Variants in TIAM2 observed in about 807,000 individuals in gnomAD.
TIAM2 encodes the protein rho guanine nucleotide exchange factor TIAM2.
Under a neutral mutation model 152.9 loss-of-function variants are expected in TIAM2, and 80 were observed. The observed-to-expected ratio is 0.52, with a 90% CI of 0.44 to 0.63. The LOEUF is 0.63. TIAM2 is among the 30% of genes least tolerant of loss of function. TIAM2 has a pLI of 0.00. For missense variants in TIAM2, 1,965 were observed against 2,120.1 expected, an observed-to-expected ratio of 0.93 and a Z score of 1.44; for synonymous variants, 804 against 838.0, an observed-to-expected ratio of 0.96 and a Z score of 0.70.
At chr6:155,145,392 G>A (rs936385076) in intron 6 of TIAM2, among the ~76,000 whole-genome samples, 1 of 152,106 alleles carries the variant, frequency 6.6e-6, no homozygotes, top group Non-Finnish European at 1.5e-5. Context: ...CTTTGTTAGC[G>A]TTGAGTTTGT....
chr6:155,196,101 C>T (rs139639214), intron 14 of TIAM2, among the ~76,000 whole-genome samples: 127 of 152,218 alleles, frequency 8.3e-4, no homozygotes, highest in African/African-American at 2.8e-3. Flanking sequence ...GCAACAGAGG[C>T]TTTGCCGTCA....
intron 18 of TIAM2, 120 bp downstream of exon 18, chr6:155,244,903 C>T (rs1783231649): frequency 7.9e-7 from 1 of 1,262,554 alleles, no homozygotes; most frequent in Middle Eastern, 2.7e-4. Context: ...ATTTATTGTC[C>T]TGTGACTATT....
intron 14 of TIAM2, among the ~76,000 whole-genome samples, chr6:155,196,245 G>T (rs1781344402): frequency 6.6e-6 from 1 of 152,190 alleles, no homozygotes; most frequent in South Asian, 2.1e-4. Context: ...CATCCAGAAA[G>T]TTGGAGTTTC....
intron 9 of TIAM2, among the ~76,000 whole-genome samples, chr6:155,171,005 A>G (rs771289784): frequency 6.6e-6 from 1 of 152,214 alleles, no homozygotes; most frequent in Non-Finnish European, 1.5e-5. Flanking sequence ...TGAGCTGGCT[A>G]AATAATTAAT....
intron 2 of TIAM2, among the ~76,000 whole-genome samples, chr6:155,111,137 G>A (rs1778837079): frequency 6.6e-6 from 1 of 152,026 alleles, no homozygotes; most frequent in Admixed American, 6.5e-5. Flanking sequence ...GCTCTTTTTC[G>A]AGTTACCCTT....
chr6:155,199,330 G>A lies in TIAM2; in HGVS notation c.3065-11874G>A, dbSNP rs145528212. Among the ~76,000 whole-genome samples, 814 of 152,146 alleles carry A rather than the reference G, an allele frequency of 5.4e-3. 9 individuals carry two copies. Among genetic ancestry groups the A allele is most frequent in the Non-Finnish European group, 4.1e-3 (278 of 67,998 alleles). ...TGACCTCAGGTGATCTGCCTACCTC[G>A]GCCTCCCAAAGTGCTGGGATTACAG... On this transcript the variant is annotated intron_variant, in intron 14 of 26. Coordinates refer to ENST00000682666, the MANE Select transcript of TIAM2 (RefSeq NM_012454.4).
chr6:155,250,367 G>T (rs1239055091), intron 21 of TIAM2, among the ~76,000 whole-genome samples: 1 of 147,126 alleles, frequency 6.8e-6, no homozygotes, highest in East Asian at 2.1e-4. Flanking sequence ...AGCAGGATTT[G>T]ACATTTTCTG....
Position 155,060,003 on chromosome 6 carries a change from C to T in TIAM2, c.-208-30286C>T, listed in dbSNP as rs1777539353. 2.0e-5 allele frequency among the ~76,000 whole-genome samples: 3 copies of T among 152,134 alleles called. No homozygotes were observed. The South Asian group carries it at 6.2e-4, about 32-fold the overall frequency. ...ACTGCATTGTAAATATCTTGTTTCT[C>T]CTTAAAGTTTCACCCGCTGCCTACT... On this transcript the variant is annotated intron_variant, in intron 1 of 26. Coordinates refer to ENST00000682666, the MANE Select transcript of TIAM2 (RefSeq NM_012454.4).
At chr6:155,166,688 G>A (rs756513463) in intron 9 of TIAM2, among the ~76,000 whole-genome samples, 8 of 152,168 alleles carry the variant, frequency 5.3e-5, no homozygotes, top group Non-Finnish European at 1.0e-4. Context: ...CCCAAGTATC[G>A]TAAATTGTTT....
Position 155,251,986 on chromosome 6 carries a change from A to G in TIAM2, c.4102A>G (p.Lys1368Glu). 8 of 1,605,024 alleles carry G rather than the reference A, an allele frequency of 5.0e-6. No homozygotes were observed. Among genetic ancestry groups the G allele is most frequent in the Non-Finnish European group, 6.8e-6 (8 of 1,176,810 alleles). Residue 1368 changes from lysine to glutamate, a missense_variant, in exon 23 of 27, where the codon AAA (lysine) becomes GAA (glutamate). By Grantham distance (56) the Lys-to-Glu change is moderately conservative. Around this residue, in one of 3 missense-constraint regions of TIAM2, gnomAD observed 935 missense variants for 980.0 expected, o/e 0.95. Coordinates refer to ENST00000682666, the MANE Select transcript of TIAM2 (RefSeq NM_012454.4). ...AVILVYKENCKLKKKLPSNSR... is the reference protein window; with the variant it reads ...AVILVYKENCELKKKLPSNSR... ...CATACTGGTTTATAAAGAAAACTGC[A>G]AACTGAAAAAGAAATTGGTAAGGCA...
chr6:155,254,247 A>C, intron 25 of TIAM2, 172 bp from the exon 26 acceptor site: 1 of 1,022,876 alleles, frequency 9.8e-7, no homozygotes, highest in East Asian at 2.6e-5. Context: ...AAATCTTAAG[A>C]GTGATCAATT....
intron 14 of TIAM2, among the ~76,000 whole-genome samples, chr6:155,200,576 A>G (rs554440625): frequency 9.0e-4 from 137 of 152,224 alleles, no homozygotes; most frequent in African/African-American, 3.2e-3. Context: ...CAATATTTTT[A>G]TTCCCTCAAA....
chr6:155,039,989 G>A (rs2114904833), intron 1 of TIAM2, among the ~76,000 whole-genome samples: 1 of 152,236 alleles, frequency 6.6e-6, no homozygotes, highest in Non-Finnish European at 1.5e-5. Context: ...CTTCAATTTG[G>A]CAATAATTTG....
chr6:155,124,558 G>A (rs1779247068), intron 2 of TIAM2, among the ~76,000 whole-genome samples: 1 of 150,686 alleles, frequency 6.6e-6, no homozygotes, highest in African/African-American at 2.4e-5. Context: ...TCGAACTCCC[G>A]ACCTCAGGTG....
intron 5 of TIAM2, among the ~76,000 whole-genome samples, chr6:155,137,864 T>A (rs946482371): frequency 2.0e-5 from 3 of 152,164 alleles, no homozygotes; most frequent in Non-Finnish European, 4.4e-5. Flanking sequence ...TGAGACAGAG[T>A]CTTGCTTTGT....
chr6:155,211,699 G>A (rs1317904640), intron 15 of TIAM2, among the ~76,000 whole-genome samples: 1 of 147,416 alleles, frequency 6.8e-6, no homozygotes, highest in Non-Finnish European at 1.5e-5. Flanking sequence ...TTGGAATGTT[G>A]TCATTTTGTG....
intron 15 of TIAM2, chr6:155,232,869 T>C (rs1011246352): frequency 3.3e-5 from 5 of 152,242 alleles, no homozygotes; most frequent in Admixed American, 6.5e-5. Context: ...AAAGCAGGAA[T>C]TGAAATGTAG....
intron 1 of TIAM2, among the ~76,000 whole-genome samples, chr6:155,085,885 A>G (rs902852614): frequency 1.3e-5 from 2 of 152,238 alleles, no homozygotes; most frequent in African/African-American, 4.8e-5. Flanking sequence ...AAGCAAAAGC[A>G]TAGCATTGCT....
intron 9 of TIAM2, among the ~76,000 whole-genome samples, chr6:155,175,542 T>C (rs895613809): frequency 2.0e-5 from 3 of 152,222 alleles, no homozygotes; most frequent in Non-Finnish European, 4.4e-5. Context: ...TAACAAGTAA[T>C]TTTTTCAATA....
Sources: gnomAD v4.1 joint callset for allele counts (sites outside exome capture counted in the v4.1 genomes callset) on GRCh38, gnomAD v4.1.1 for gene constraint, gnomAD v4.1.1 regional missense constraint, MANE v1.5 for transcripts, NCBI Gene and HGNC (gene_info 2026-07-23, HGNC 2026-07-21) for gene names.